The following TRAPPC9 variants were observed in gnomAD, a reference collection of about 807,000 sequenced individuals.
TRAPPC9 encodes the protein trafficking protein particle complex subunit 9, also known as IKK2 binding protein.
Under a neutral mutation model 124.0 loss-of-function variants are expected in TRAPPC9, and 83 were observed. The ratio of observed to expected loss-of-function variants is 0.67; its 90% CI spans 0.56 to 0.80. The LOEUF (loss-of-function observed/expected upper bound fraction) is 0.80, where lower values mean the gene tolerates loss of function less well. Ranked by LOEUF, TRAPPC9 falls within the 30% of genes least tolerant of loss-of-function variation. The probability of loss-of-function intolerance (pLI) is 0.00; values close to 1 mark genes in which losing one functional copy is unlikely to be tolerated. For synonymous variants in TRAPPC9, 638 were observed against 617.5 expected (o/e 1.03, Z -0.49); for missense variants, 1,302 against 1,508.3 (o/e 0.86, Z 2.27).
chr8:139,951,323 C>T (rs1587322974), intron 19 of TRAPPC9, among the ~76,000 whole-genome samples: 1 of 152,138 alleles, frequency 6.6e-6, no homozygotes, highest in Admixed American at 6.5e-5. Flanking sequence ...TTTTTTCTGT[C>T]GCCTTCCTAT....
At chr8:140,026,283 G>A (rs772859471) in intron 17 of TRAPPC9, among the ~76,000 whole-genome samples, 3 of 152,178 alleles carry the variant, frequency 2.0e-5, no homozygotes, top group Non-Finnish European at 2.9e-5. Context: ...CCCTTGGCTC[G>A]TGTGAACAGT....
At chr8:139,832,940 AG>A in intron 21 of TRAPPC9, among the ~76,000 whole-genome samples, 1 of 152,280 alleles carries the variant, frequency 6.6e-6, no homozygotes, top group South Asian at 2.1e-4. Flanking sequence ...AGCTCTTTAA[AG>A]GCAGAGAAAT....
At chr8:139,841,029 G>A (rs529581968) in intron 21 of TRAPPC9, among the ~76,000 whole-genome samples, 100 of 152,330 alleles carry the variant, frequency 6.6e-4, no homozygotes, top group Admixed American at 3.1e-3. Flanking sequence ...TCTAGAGCTA[G>A]AAGTATGAAA....
intron 9 of TRAPPC9, among the ~76,000 whole-genome samples, chr8:140,348,959 C>T (rs2067435944): frequency 6.6e-6 from 1 of 151,838 alleles, no homozygotes; most frequent in Non-Finnish European, 1.5e-5. Flanking sequence ...GTAGAGGAAG[C>T]ACTGGACTGA....
intron 21 of TRAPPC9, among the ~76,000 whole-genome samples, chr8:139,877,572 C>A (rs1055487350): frequency 1.3e-5 from 2 of 152,190 alleles, no homozygotes; most frequent in Admixed American, 6.5e-5. Flanking sequence ...GCCTTGCCAT[C>A]AGACCCTCTG....
At chr8:140,029,799 C>T (rs1290785017) in intron 17 of TRAPPC9, among the ~76,000 whole-genome samples, 1 of 151,734 alleles carries the variant, frequency 6.6e-6, no homozygotes, top group East Asian at 1.9e-4. Flanking sequence ...TTTTATGAGA[C>T]CAATATTACT....
intron 17 of TRAPPC9, among the ~76,000 whole-genome samples, chr8:140,153,939 C>A (rs1185165024): frequency 1.3e-5 from 2 of 152,198 alleles, no homozygotes; most frequent in Non-Finnish European, 2.9e-5. Context: ...GTGACACCGT[C>A]TGCCTCAGAG....
chr8:140,256,539 AGGCCCACCTGCTTCCGCTT>A (rs1459359769), intron 15 of TRAPPC9, among the ~76,000 whole-genome samples: 1 of 152,106 alleles, frequency 6.6e-6, no homozygotes, highest in Non-Finnish European at 1.5e-5. Context: ...ACCCCCGGGC[AGGCCCACCTGCTTCCGCTT>A]GGTTGCCATT....
At chr8:139,934,743 G>A (rs1833405643) in intron 19 of TRAPPC9, among the ~76,000 whole-genome samples, 1 of 152,108 alleles carries the variant, frequency 6.6e-6, no homozygotes, top group Admixed American at 6.5e-5. Flanking sequence ...AGACACATGG[G>A]GCCCAATCGC....
intron 19 of TRAPPC9, among the ~76,000 whole-genome samples, chr8:139,922,921 G>T (rs1250895874): frequency 2.0e-5 from 3 of 152,212 alleles, no homozygotes; most frequent in African/African-American, 7.2e-5. Context: ...AAGCAAGCAA[G>T]CAAGAGAAAT....
chr8:140,194,036 G>A (rs2062569472), intron 17 of TRAPPC9, among the ~76,000 whole-genome samples: 1 of 152,072 alleles, frequency 6.6e-6, no homozygotes, highest in South Asian at 2.1e-4. Context: ...TTCTAATCCC[G>A]GTTTTAATCC....
chr8:140,025,580 A>G (rs1229964878), intron 17 of TRAPPC9, among the ~76,000 whole-genome samples: 1 of 144,038 alleles, frequency 6.9e-6, no homozygotes, highest in Non-Finnish European at 1.5e-5. Context: ...AAAAAAAAAA[A>G]GAAAAGAAAA....
At chr8:140,447,594 T>C (rs945003546) in intron 2 of TRAPPC9, among the ~76,000 whole-genome samples, 1 of 152,216 alleles carries the variant, frequency 6.6e-6, no homozygotes, top group Admixed American at 6.5e-5. Context: ...TGGGTTTTCA[T>C]GAGGGGCACA....
At chr8:139,886,829 T>C (rs1240977234) in intron 20 of TRAPPC9, among the ~76,000 whole-genome samples, 4 of 152,182 alleles carry the variant, frequency 2.6e-5, no homozygotes, top group African/African-American at 9.6e-5. Flanking sequence ...GAGGTTCCCA[T>C]TCTGGTGAAG....
At chr8:140,140,354 A>G (rs532954749) in intron 17 of TRAPPC9, among the ~76,000 whole-genome samples, 1 of 152,182 alleles carries the variant, frequency 6.6e-6, no homozygotes, top group Admixed American at 6.5e-5. Flanking sequence ...CCTCCGATTA[A>G]GTGAGAAGTT....
chr8:139,824,042 T>C (rs1825452874), intron 21 of TRAPPC9, among the ~76,000 whole-genome samples: 1 of 152,148 alleles, frequency 6.6e-6, no homozygotes, highest in Non-Finnish European at 1.5e-5. Context: ...TACATGGGGC[T>C]CTCACGTGTA....
rs1839680676 is a variant in TRAPPC9 at position 140,019,412 on chromosome 8, G to A, written c.2699+4525C>T. 2.6e-5 allele frequency among the ~76,000 whole-genome samples: 4 copies of A among 152,056 alleles called. 1 individual carries two copies. The highest frequency in any genetic ancestry group is 2.6e-4 in the Admixed American group (4 of 15,266). On this transcript the variant is annotated intron_variant, in intron 18 of 22. Transcript: ENST00000438773. ...TCTTTAAAAAGCTTCATATATTTCA[G>A]AGTAGAGCCATCTGGGCCTAAAGTT... is the stretch of plus-strand genomic sequence containing the variant.
At chr8:140,089,896 G>A (rs185540688) in intron 17 of TRAPPC9, among the ~76,000 whole-genome samples, 2 of 152,126 alleles carry the variant, frequency 1.3e-5, no homozygotes, top group African/African-American at 2.4e-5. Flanking sequence ...TGGCCAACAC[G>A]GTAAAACCCT....
chr8:139,872,840 ATGG>A, intron 21 of TRAPPC9, among the ~76,000 whole-genome samples: 2 of 186 alleles, frequency 0.011, no homozygotes, highest in African/African-American at 0.022. Context: ...GGGTGGGTGG[ATGG>A]ATGGATGGAT....
Sources: allele counts gnomAD v4.1 joint callset (sites outside exome capture counted in the v4.1 genomes callset), GRCh38; gene constraint gnomAD v4.1.1; transcripts MANE v1.5; gene names NCBI Gene and HGNC (gene_info 2026-07-23, HGNC 2026-07-21).